ABCB5: variants seen among roughly 807,000 people sequenced by gnomAD.
ABCB5 encodes ATP binding cassette subfamily B member 5, also known as ATP-binding cassette sub-family B member 5.
ABCB5 carries 155 observed loss-of-function variants against 144.2 expected under a neutral mutation model. The observed-to-expected ratio is 1.08, with a 90% confidence interval of 0.94 to 1.23. The LOEUF is 1.23. ABCB5 is among the 50% of genes most tolerant of loss of function. The probability of loss-of-function intolerance (pLI) is 0.00; values close to 1 mark genes in which losing one functional copy is unlikely to be tolerated. For synonymous variants in ABCB5, 610 were observed against 528.6 expected, an observed-to-expected ratio of 1.15 and a Z score of -2.11; for missense variants, 1,830 against 1,520.8, an observed-to-expected ratio of 1.20 and a Z score of -3.38.
intron 19 of ABCB5, among the ~76,000 whole-genome samples, chr7:20,700,943 G>A (rs17218190): frequency 0.19 from 29,166 of 152,094 alleles, 3,052 homozygotes; most frequent in Admixed American, 0.25. Context: ...CCATTTTTAA[G>A]TCTTATGACT....
chr7:20,699,731 G>T, intron 17 of ABCB5, 94 bp from the exon 18 acceptor site: 1 of 760,718 alleles, frequency 1.3e-6, no homozygotes. Context: ...AAAAAGAAAT[G>T]TATTTTAAAA....
In ABCB5 at chr7:20,643,337, T is replaced by C. The variant is rs374004335; in HGVS notation, c.468T>C (p.Asp156=). The C allele has an allele frequency of 5.5e-5, 88 of 1,613,860 alleles. 3 individuals are homozygous for C. Among genetic ancestry groups the C allele is most frequent in the East Asian group, 3.8e-4 (17 of 44,902 alleles). The change falls in exon 6 of 28, where the codon GAT becomes GAC. Residue 156 remains aspartate (D), a synonymous_variant. Coordinates refer to ENST00000404938, the MANE Select transcript of ABCB5 (RefSeq NM_001163941.2). ...SVLAQDIGWF[D]SCDIGELNTR... ...TGGCACAGGACATCGGCTGGTTTGA[T>C]AGCTGTGACATCGGTGAACTTAACA...
At chr7:20,617,285 A>T (rs769581361) in intron 1 of ABCB5, among the ~76,000 whole-genome samples, 14 of 152,032 alleles carry the variant, frequency 9.2e-5, no homozygotes, top group Non-Finnish European at 1.8e-4. Context: ...TAAAATGTAG[A>T]TTTTTTTCCA....
intron 13 of ABCB5, among the ~76,000 whole-genome samples, chr7:20,653,411 T>TA (rs529482116): frequency 3.2e-4 from 49 of 152,280 alleles, no homozygotes; most frequent in African/African-American, 1.1e-3. Flanking sequence ...AAAGCTATTG[T>TA]AAAAAAATGT....
intron 14 of ABCB5, among the ~76,000 whole-genome samples, chr7:20,672,014 A>G (rs1186805770): frequency 1.3e-5 from 2 of 152,222 alleles, no homozygotes; most frequent in Admixed American, 1.3e-4. Context: ...GAAGAAATGT[A>G]TAGTAGTATC....
rs1785968916 is a variant in ABCB5 at position 20,685,682 on chromosome 7, A to G, written c.1870-14A>G. 1.7e-5 allele frequency: 27 copies of G among 1,587,298 alleles called. No homozygotes were observed. Among genetic ancestry groups the G allele is most frequent in the Non-Finnish European group, 2.2e-5 (26 of 1,166,704 alleles). On this transcript the variant is annotated splice_polypyrimidine_tract_variant and intron_variant, in intron 15 of 27. Transcript: ENST00000404938. The stretch of plus-strand genomic sequence containing the variant: ...GCATTCTTATAATGATAACCTATAT[A>G]TTCTTCCTGTAAGGATATTAAAAAA...
intron 20 of ABCB5, among the ~76,000 whole-genome samples, chr7:20,718,714 A>G (rs1781767535): frequency 6.6e-6 from 1 of 152,184 alleles, no homozygotes; most frequent in Admixed American, 6.5e-5. Flanking sequence ...CAATTTGGCA[A>G]TACCCATCAA....
At chr7:20,700,898 T>C (rs927655291) in intron 19 of ABCB5, among the ~76,000 whole-genome samples, 4 of 152,186 alleles carry the variant, frequency 2.6e-5, no homozygotes, top group African/African-American at 9.7e-5. Flanking sequence ...TTTTCAGAAA[T>C]AGAGTTACTG....
chr7:20,743,358 G>C (rs1782621346), intron 25 of ABCB5, among the ~76,000 whole-genome samples: 1 of 152,084 alleles, frequency 6.6e-6, no homozygotes, highest in Non-Finnish European at 1.5e-5. Context: ...ATGGGTGCTG[G>C]AGATCTGGTC....
chr7:20,745,293 T>C lies in ABCB5; in HGVS notation c.3284T>C (p.Ile1095Thr), dbSNP rs1294897351. The C allele has an allele frequency of 6.2e-7, 1 of 1,613,924 alleles. No homozygotes were observed. Among genetic ancestry groups the C allele is most frequent in the Non-Finnish European group, 8.5e-7 (1 of 1,179,930 alleles). The change falls in exon 26 of 28, where the codon ATC becomes ACC. Residue 1095 changes from isoleucine to threonine, a missense_variant. Physicochemically the swap from Ile to Thr is moderately conservative, Grantham distance 89 (BLOSUM62 -1). Transcript: ENST00000404938. ...CAGTGGCTCCGTTCCCAAATAGCAA[T>C]CGTTCCTCAAGAGCCTGTGCTCTTC... is the stretch of plus-strand genomic sequence containing the variant. ...NVQWLRSQIA[I>T]VPQEPVLFNC... is the part of the protein sequence containing the mutation.
chr7:20,713,660 T>C (rs916966546), intron 20 of ABCB5, among the ~76,000 whole-genome samples: 1 of 149,560 alleles, frequency 6.7e-6, no homozygotes, highest in Admixed American at 6.7e-5. Context: ...CTGGGAATAG[T>C]TTGATCTTTT....
intron 24 of ABCB5, among the ~76,000 whole-genome samples, chr7:20,740,682 A>T (rs1205451812): frequency 6.6e-6 from 1 of 152,204 alleles, no homozygotes; most frequent in African/African-American, 2.4e-5. Context: ...TCACTGATCT[A>T]TGTCCTTACA....
chr7:20,699,661 CGCAA>C (rs1786545934), intron 17 of ABCB5, among the ~76,000 whole-genome samples, 160 bp from the exon 18 acceptor site: 2 of 151,488 alleles, frequency 1.3e-5, no homozygotes, highest in African/African-American at 4.9e-5. Context: ...AGACTGAGAT[CGCAA>C]CACTGCACTC....
chr7:20,677,644 G>A (rs527496026), intron 14 of ABCB5, among the ~76,000 whole-genome samples: 10 of 152,182 alleles, frequency 6.6e-5, no homozygotes, highest in Middle Eastern at 3.4e-3. Context: ...CAGGAGAATC[G>A]CTTGAACCCG....
At chr7:20,683,966 C>CT (rs11383926) in intron 15 of ABCB5, among the ~76,000 whole-genome samples, 152,312 of 152,312 alleles carry the variant, frequency 1, 76,156 homozygotes, top group Non-Finnish European at 1. Context: ...GACTCTACCA[C>CT]TAATAGTTTT....
chr7:20,727,834 C>T (rs1331847947), intron 22 of ABCB5, among the ~76,000 whole-genome samples: 2 of 150,480 alleles, frequency 1.3e-5, no homozygotes, highest in Non-Finnish European at 2.9e-5. Context: ...TAAACTAGTC[C>T]TCCTTATCAC....
At chr7:20,734,446 G>C (rs900348580) in intron 23 of ABCB5, among the ~76,000 whole-genome samples, 1 of 149,160 alleles carries the variant, frequency 6.7e-6, no homozygotes, top group Non-Finnish European at 1.5e-5. Flanking sequence ...ATCTAGTATG[G>C]GGCAGGAATC....
At chr7:20,617,227 T>G (rs1752404370) in intron 1 of ABCB5, among the ~76,000 whole-genome samples, 1 of 152,170 alleles carries the variant, frequency 6.6e-6, no homozygotes, top group African/African-American at 2.4e-5. Flanking sequence ...ACAGTATATA[T>G]CTATAGAATG....
intron 27 of ABCB5, 145 bp downstream of exon 27, chr7:20,753,651 C>T: frequency 3.2e-6 from 3 of 928,932 alleles, no homozygotes; most frequent in Non-Finnish European, 4.5e-6. Flanking sequence ...GGCTTTGGAC[C>T]TTTACAAAAA....
Sources: allele counts gnomAD v4.1 joint callset (sites outside exome capture counted in the v4.1 genomes callset), GRCh38; gene constraint gnomAD v4.1.1; transcripts MANE v1.5; gene names NCBI Gene and HGNC (gene_info 2026-07-23, HGNC 2026-07-21).